Variants in PEBP4 observed in about 807,000 individuals in gnomAD.
PEBP4 encodes the protein phosphatidylethanolamine binding protein 4.
A neutral mutation model predicts 23.9 loss-of-function variants in PEBP4; 22 were observed. That is an observed-to-expected ratio of 0.92 (90% CI 0.66 to 1.31). PEBP4 has a LOEUF of 1.31. Ranked by LOEUF, PEBP4 falls within the 40% of genes most tolerant of loss-of-function variation. PEBP4 has a pLI of 0.00. For missense variants in PEBP4, 324 were observed against 281.7 expected, an observed-to-expected ratio of 1.15 and a Z score of -1.07; for synonymous variants, 112 against 99.3, an observed-to-expected ratio of 1.13 and a Z score of -0.76.
At chr8:22,822,529 T>C (rs879585122) in intron 3 of PEBP4, among the ~76,000 whole-genome samples, 11 of 151,796 alleles carry the variant, frequency 7.2e-5, no homozygotes, top group Non-Finnish European at 1.5e-4. Flanking sequence ...TTTTCCTTTC[T>C]TCTTCTTCTT....
chr8:22,854,926 ATGTG>A (rs113480248), intron 3 of PEBP4, among the ~76,000 whole-genome samples: 24,877 of 133,138 alleles, frequency 0.19, 2,377 homozygotes, highest in Admixed American at 0.24. Context: ...TGAGATTAGA[ATGTG>A]TGTGTGTGTG....
At chr8:22,748,902 CT>C (rs1805187044) in intron 4 of PEBP4, among the ~76,000 whole-genome samples, 1 of 152,088 alleles carries the variant, frequency 6.6e-6, no homozygotes, top group Non-Finnish European at 1.5e-5. Context: ...CAGAGGACCC[CT>C]TGGGTACCTC....
rs539820776 is a variant in PEBP4, at chr8:22,828,803, C to G, written c.259-11068G>C. Among the ~76,000 whole-genome samples, 45 of 152,290 alleles carry G rather than the reference C, an allele frequency of 3.0e-4. 1 individual carries two copies. In the South Asian group the frequency reaches 8.9e-3, roughly 30 times the overall value. ...GACTTTAGCAAACATGTGGAACAGC[C>G]ACCCAACACCATGGCCTCTCTGGTT... On this transcript the variant is annotated intron_variant, in intron 3 of 6. Coordinates refer to ENST00000256404, the MANE Select transcript of PEBP4 (RefSeq NM_144962.3).
intron 6 of PEBP4, among the ~76,000 whole-genome samples, chr8:22,719,324 T>C (rs13257888): frequency 0.31 from 47,701 of 152,104 alleles, 7,902 homozygotes; most frequent in African/African-American, 0.41. Flanking sequence ...CTGTGGCATG[T>C]CCTCTCGTGG....
intron 3 of PEBP4, among the ~76,000 whole-genome samples, chr8:22,897,150 T>C (rs1010043000): frequency 1.4e-4 from 22 of 152,058 alleles, no homozygotes; most frequent in Non-Finnish European, 2.9e-4. Context: ...TTGAGTAAAA[T>C]CTGTTTTTTC....
chr8:22,927,488 G>T, intron 2 of PEBP4, 96 bp downstream of exon 2: 3 of 1,422,458 alleles, frequency 2.1e-6, no homozygotes, highest in Non-Finnish European at 1.9e-6. Context: ...ATCAGGCTCA[G>T]GAGATGGTGC....
chr8:22,864,834 G>T (rs1807852443), intron 3 of PEBP4, among the ~76,000 whole-genome samples: 1 of 152,216 alleles, frequency 6.6e-6, no homozygotes, highest in African/African-American at 2.4e-5. Flanking sequence ...ACACCACGGG[G>T]GCCGCTGGGC....
intron 3 of PEBP4, among the ~76,000 whole-genome samples, chr8:22,872,461 C>T (rs996030132): frequency 2.6e-5 from 4 of 152,222 alleles, no homozygotes; most frequent in African/African-American, 9.6e-5. Context: ...TGCAGTGGAA[C>T]CTGCTCTCTG....
intron 4 of PEBP4, among the ~76,000 whole-genome samples, chr8:22,743,118 G>A (rs542589597): frequency 8.1e-4 from 124 of 152,274 alleles, no homozygotes; most frequent in African/African-American, 2.9e-3. Context: ...CCAGCCTCCT[G>A]TCCCCAAGAA....
intron 3 of PEBP4, among the ~76,000 whole-genome samples, chr8:22,837,712 C>T (rs1167063687): frequency 6.6e-6 from 1 of 152,050 alleles, no homozygotes; most frequent in East Asian, 1.9e-4. Flanking sequence ...TCCCCTTCCT[C>T]AAGACTCATC....
intron 4 of PEBP4, among the ~76,000 whole-genome samples, chr8:22,788,057 G>A (rs17088622): frequency 0.039 from 5,872 of 152,138 alleles, 393 homozygotes; most frequent in African/African-American, 0.13. Flanking sequence ...CTTCAGGGAT[G>A]CACGGGCTCA....
At chr8:22,917,621 C>T (rs542272008) in intron 3 of PEBP4, among the ~76,000 whole-genome samples, 1 of 146,942 alleles carries the variant, frequency 6.8e-6, no homozygotes, top group South Asian at 2.1e-4. Flanking sequence ...TACTCACTTC[C>T]ATAGGACCTG....
chr8:22,926,176 C>T (rs1809328667), intron 2 of PEBP4, among the ~76,000 whole-genome samples: 1 of 151,822 alleles, frequency 6.6e-6, no homozygotes, highest in Non-Finnish European at 1.5e-5. Flanking sequence ...CAGGGTTTCA[C>T]CGTGTTGGTC....
intron 1 of PEBP4, among the ~76,000 whole-genome samples, chr8:22,940,332 C>A (rs1015374373): frequency 1.3e-5 from 2 of 152,082 alleles, no homozygotes; most frequent in Admixed American, 6.6e-5. Context: ...AGAAATTCAC[C>A]AAAGTGGCCT....
chr8:22,805,298 G>C (rs766666678), intron 4 of PEBP4, among the ~76,000 whole-genome samples: 1 of 152,210 alleles, frequency 6.6e-6, no homozygotes, highest in Non-Finnish European at 1.5e-5. Context: ...TAAAGATGTA[G>C]GTTCACGGAT....
At chr8:22,737,470 C>T (rs927532386) in intron 4 of PEBP4, among the ~76,000 whole-genome samples, 13 of 152,162 alleles carry the variant, frequency 8.5e-5, no homozygotes, top group Admixed American at 2.0e-4. Context: ...ATGGTCTTTA[C>T]GTGAGTTAGT....
intron 3 of PEBP4, chr8:22,885,177 G>T (rs1186059417): frequency 6.6e-6 from 1 of 152,158 alleles, no homozygotes; most frequent in African/African-American, 2.4e-5. Context: ...CTTGATGCCA[G>T]TTCATAAAGA....
intron 1 of PEBP4, among the ~76,000 whole-genome samples, chr8:22,939,681 T>C (rs991224840): frequency 1.3e-5 from 2 of 151,804 alleles, no homozygotes; most frequent in Non-Finnish European, 2.9e-5. Context: ...GTGGCAATGA[T>C]GGGGCTGGCA....
At chr8:22,756,578 G>A (rs1232047581) in intron 4 of PEBP4, among the ~76,000 whole-genome samples, 3 of 152,146 alleles carry the variant, frequency 2.0e-5, no homozygotes, top group Admixed American at 2.0e-4. Flanking sequence ...GGGGAAGCAA[G>A]CCTTTTCTAG....
Sources: allele counts gnomAD v4.1 joint callset (sites outside exome capture counted in the v4.1 genomes callset), GRCh38; gene constraint gnomAD v4.1.1; transcripts MANE v1.5; gene names NCBI Gene and HGNC (gene_info 2026-07-23, HGNC 2026-07-21).